CSMD1: variants seen among roughly 807,000 people sequenced by gnomAD.
CSMD1 encodes CUB and Sushi multiple domains 1.
A neutral mutation model predicts 417.5 loss-of-function variants in CSMD1; 213 were observed. The ratio of observed to expected loss-of-function variants is 0.51; its 90% CI spans 0.46 to 0.57. The LOEUF is 0.57. Ranked by LOEUF, CSMD1 falls within the 20% of genes least tolerant of loss-of-function variation. CSMD1 has a pLI of 0.00. For missense variants in CSMD1, 6,923 were observed against 4,529.7 expected, an observed-to-expected ratio of 1.53 and a Z score of -15.17; for synonymous variants, 2,862 against 1,736.8, an observed-to-expected ratio of 1.65 and a Z score of -16.11.
intron 2 of CSMD1, among the ~76,000 whole-genome samples, chr8:4,463,546 C>T (rs1455629027): frequency 1.3e-5 from 2 of 152,056 alleles, no homozygotes; most frequent in African/African-American, 2.4e-5. Flanking sequence ...TGGTCTATAT[C>T]CATCATATTA....
rs534053937 is a variant in CSMD1 at position 4,597,983 on chromosome 8, T to C, written c.302+39359A>G. 1.7e-4 allele frequency among the ~76,000 whole-genome samples: 26 copies of C among 151,604 alleles called. No homozygotes were observed. The South Asian group carries it at 5.4e-3, about 31-fold the overall frequency. ...TTATTTTAAAATATATGTGATTTATTTTTATATAAATTATATATAAAATAG... is the reference window on the plus strand; with the variant it reads ...TTATTTTAAAATATATGTGATTTATCTTTATATAAATTATATATAAAATAG... On this transcript the variant is annotated intron_variant, in intron 2 of 69. Transcript: ENST00000635120.
intron 5 of CSMD1, among the ~76,000 whole-genome samples, chr8:3,889,395 A>C (rs1261930558): frequency 6.9e-6 from 1 of 143,946 alleles, no homozygotes; most frequent in Non-Finnish European, 1.5e-5. Flanking sequence ...ATTTTTTACT[A>C]ACATTAAATA....
intron 3 of CSMD1, among the ~76,000 whole-genome samples, chr8:4,194,611 C>T (rs969724950): frequency 1.3e-5 from 2 of 152,056 alleles, no homozygotes; most frequent in Non-Finnish European, 2.9e-5. Flanking sequence ...AATTTGCTAA[C>T]AGAGTAATCA....
chr8:3,991,695 G>A (rs779321815), intron 5 of CSMD1, among the ~76,000 whole-genome samples: 2 of 152,124 alleles, frequency 1.3e-5, no homozygotes, highest in African/African-American at 2.4e-5. Context: ...GGATGAGAGT[G>A]GAGTGCCGAC....
chr8:2,952,922 C>T (rs192919306), intron 65 of CSMD1, among the ~76,000 whole-genome samples: 10 of 152,188 alleles, frequency 6.6e-5, no homozygotes, highest in African/African-American at 1.7e-4. Flanking sequence ...GCTGGCAGCC[C>T]GCAGTACAAT....
At chr8:4,101,321 G>C (rs868525049) in intron 3 of CSMD1, among the ~76,000 whole-genome samples, 1 of 152,130 alleles carries the variant, frequency 6.6e-6, no homozygotes, top group Non-Finnish European at 1.5e-5. Flanking sequence ...AACAGCTGTG[G>C]AAGGAAAGAC....
intron 3 of CSMD1, among the ~76,000 whole-genome samples, chr8:4,199,299 G>A (rs1386323959): frequency 1.3e-5 from 2 of 152,190 alleles, no homozygotes; most frequent in Non-Finnish European, 1.5e-5. Context: ...TGCAGGCAGT[G>A]TATGGGTGCT....
At chr8:4,365,862 T>G (rs568961176) in intron 3 of CSMD1, among the ~76,000 whole-genome samples, 8 of 152,374 alleles carry the variant, frequency 5.3e-5, no homozygotes, top group African/African-American at 1.9e-4. Context: ...ACTAAAAATC[T>G]ACTTAAAGAG....
intron 1 of CSMD1, among the ~76,000 whole-genome samples, chr8:4,958,359 T>C (rs1378496520): frequency 6.6e-6 from 1 of 152,192 alleles, no homozygotes; most frequent in Admixed American, 6.5e-5. Context: ...ACATGGTTGA[T>C]CTTTACCCAC....
intron 3 of CSMD1, among the ~76,000 whole-genome samples, chr8:4,226,393 G>C (rs1801359425): frequency 6.6e-6 from 1 of 152,098 alleles, no homozygotes; most frequent in Non-Finnish European, 1.5e-5. Flanking sequence ...AACCCTCTCT[G>C]AAAAGATGCA....
chr8:3,741,996 C>A (rs1290105438), intron 6 of CSMD1, among the ~76,000 whole-genome samples: 1 of 125,248 alleles, frequency 8.0e-6, no homozygotes, highest in Non-Finnish European at 1.6e-5. Context: ...TTTTTTTTAA[C>A]CCTGCAAATT....
At chr8:3,937,293 C>T (rs1810561857) in intron 5 of CSMD1, among the ~76,000 whole-genome samples, 1 of 152,126 alleles carries the variant, frequency 6.6e-6, no homozygotes. Context: ...GAAAGAATTT[C>T]TCCTGTAGGT....
At chr8:4,008,603 T>TTTTA (rs1816312739) in intron 4 of CSMD1, among the ~76,000 whole-genome samples, 1 of 54,906 alleles carries the variant, frequency 1.8e-5, no homozygotes, top group African/African-American at 6.5e-5. Flanking sequence ...TTTTTTTCTT[T>TTTTA]TTTTTTTTTT....
chr8:4,512,454 T>C (rs1802873874), intron 2 of CSMD1, among the ~76,000 whole-genome samples: 1 of 152,072 alleles, frequency 6.6e-6, no homozygotes, highest in Non-Finnish European at 1.5e-5. Context: ...AGAAAATAAA[T>C]GGAATACAGA....
intron 7 of CSMD1, among the ~76,000 whole-genome samples, chr8:3,663,310 AT>A (rs1585037871): frequency 6.6e-6 from 1 of 152,080 alleles, no homozygotes; most frequent in African/African-American, 2.4e-5. Flanking sequence ...AGTAGAATAT[AT>A]TTTTCAGAGG....
chr8:3,988,240 C>T (rs1163702151), intron 5 of CSMD1, among the ~76,000 whole-genome samples: 2 of 152,112 alleles, frequency 1.3e-5, no homozygotes, highest in African/African-American at 2.4e-5. Flanking sequence ...TATTGAACCT[C>T]GGCTTTCTGG....
intron 7 of CSMD1, among the ~76,000 whole-genome samples, chr8:3,644,280 AAAC>A (rs1257537440): frequency 6.6e-6 from 1 of 152,230 alleles, no homozygotes; most frequent in Non-Finnish European, 1.5e-5. Flanking sequence ...TAGAGAATTT[AAAC>A]AACAACACTG....
intron 7 of CSMD1, among the ~76,000 whole-genome samples, chr8:3,663,001 AAAAT>A (rs1223420447): frequency 2.0e-5 from 3 of 152,102 alleles, no homozygotes; most frequent in African/African-American, 7.2e-5. Context: ...AACTTAAAGT[AAAAT>A]AAATAAATAA....
intron 1 of CSMD1, among the ~76,000 whole-genome samples, chr8:4,778,512 C>T (rs957392108): frequency 1.1e-4 from 16 of 152,284 alleles, no homozygotes; most frequent in South Asian, 6.2e-4. Flanking sequence ...GTAAGTGGCA[C>T]GGTATAAGCA....
Sources: gnomAD v4.1 joint callset for allele counts (sites outside exome capture counted in the v4.1 genomes callset) on GRCh38, gnomAD v4.1.1 for gene constraint, MANE v1.5 for transcripts, NCBI Gene and HGNC (gene_info 2026-07-23, HGNC 2026-07-21) for gene names.